DLEU7: variants seen among roughly 807,000 people sequenced by gnomAD.
DLEU7 encodes the protein leukemia-associated protein 7.
Under a neutral mutation model 16.0 loss-of-function variants are expected in DLEU7, and 17 were observed. The observed-to-expected ratio is 1.06, with a 90% confidence interval of 0.73 to 1.59. DLEU7 has a LOEUF of 1.59. DLEU7 is among the 40% of genes most tolerant of loss of function. DLEU7 has a pLI of 0.00. For missense variants in DLEU7, 308 were observed against 314.9 expected (o/e 0.98, Z 0.17); for synonymous variants, 113 against 139.8 (o/e 0.81, Z 1.35).
At chr13:50,755,283 T>C (rs1874720100) in intron 1 of DLEU7, among the ~76,000 whole-genome samples, 1 of 152,204 alleles carries the variant, frequency 6.6e-6, no homozygotes, top group Non-Finnish European at 1.5e-5. Flanking sequence ...CCCAAATATG[T>C]TTTCCAAACT....
At chr13:50,772,907 C>G (rs1381236988) in intron 1 of DLEU7, among the ~76,000 whole-genome samples, 3 of 152,200 alleles carry the variant, frequency 2.0e-5, no homozygotes, top group East Asian at 3.8e-4. Context: ...GTACACCAAT[C>G]AAATGTAGAT....
rs559215365 is a variant in DLEU7, at chr13:50,843,526, G to A, written c.121C>T (p.Arg41Trp). The A allele has an allele frequency of 3.8e-4, 551 of 1,431,724 alleles. 2 individuals are homozygous for A. In the African/African-American group the frequency reaches 7.8e-3, roughly 20 times the overall value. 88.7% of individuals were successfully genotyped at this position (1,431,724 alleles called of 1,614,324 possible). A position where few individuals can be genotyped will look rare whatever the true frequency, so the allele number is the denominator to read the frequency against. ...GDGPVAPGNP[R>W]DPDHVSTAPA... ...GCGGTGGACACGTGGTCTGGGTCCC[G>A]CGGGTTCCCGGGGGCGACTGGACCG... Residue 41 changes from arginine (R) to tryptophan (W), a missense_variant, in exon 1 of 2, where the codon CGG (arginine) becomes TGG (tryptophan). Physicochemically the swap from Arg to Trp is moderately radical, Grantham distance 101. Transcript: ENST00000504404. The surrounding 1 kb of genome is among the most constrained non-coding windows in gnomAD (Gnocchi z 5.7).
chr13:50,738,586 A>G (rs1246175463), intron 1 of DLEU7, among the ~76,000 whole-genome samples: 2 of 152,102 alleles, frequency 1.3e-5, no homozygotes, highest in African/African-American at 4.8e-5. Context: ...CCTGATTCCA[A>G]AGTTCTTCCC....
chr13:50,777,809 A>T (rs964243827), intron 1 of DLEU7, among the ~76,000 whole-genome samples: 1 of 152,200 alleles, frequency 6.6e-6, no homozygotes, highest in Non-Finnish European at 1.5e-5. Context: ...GCTTTAGTTT[A>T]TGTAAATTTC....
intron 1 of DLEU7, among the ~76,000 whole-genome samples, chr13:50,733,518 C>A (rs1873978053): frequency 6.6e-6 from 1 of 152,114 alleles, no homozygotes; most frequent in South Asian, 2.1e-4. Context: ...TAACACCACC[C>A]AGAGACTGAT....
intron 1 of DLEU7, chr13:50,713,259 A>G: frequency 6.2e-7 from 1 of 1,607,012 alleles, no homozygotes. Context: ...AATGTAGCAT[A>G]ATATCTCAAA....
upstream of DLEU7, chr13:50,843,906 G>A (rs1685750841): frequency 8.3e-6 from 4 of 479,160 alleles, no homozygotes; most frequent in Non-Finnish European, 1.5e-5. The surrounding 1 kb of genome is among the most constrained non-coding windows in gnomAD (Gnocchi z 5.7). Context: ...GAAAATCAGC[G>A]AAATGCTGAG....
Position 50,823,481 on chromosome 13 carries a change from G to A in DLEU7, c.499C>T (p.Leu167=). The A allele has an allele frequency of 1.3e-6, 2 of 1,535,922 alleles. No homozygotes were observed. The highest frequency in any genetic ancestry group is 1.7e-6 in the Non-Finnish European group (2 of 1,146,730). ...EFRNICSHLA[L]QIEGQQFDRD... The stretch of plus-strand genomic sequence containing the variant: ...TCAAACTGCTGTCCTTCAATCTGTA[G>A]AGCCAAATGACTGCAGATGTTTCTA... Residue 167 remains leucine (L), a synonymous_variant, in exon 2 of 2, where the codon CTA becomes TTA. Transcript: ENST00000504404.
intron 1 of DLEU7, among the ~76,000 whole-genome samples, chr13:50,772,321 G>A (rs899878607): frequency 8.5e-5 from 13 of 152,130 alleles, no homozygotes; most frequent in Non-Finnish European, 1.6e-4. Flanking sequence ...ATGTTAGCTG[G>A]TTATTTTGCC....
chr13:50,811,178 C>A (rs1203254372), intron 1 of DLEU7, among the ~76,000 whole-genome samples: 1 of 152,082 alleles, frequency 6.6e-6, no homozygotes, highest in African/African-American at 2.4e-5. Flanking sequence ...CTTAAATTGG[C>A]AAACTATAAA....
intron 1 of DLEU7, among the ~76,000 whole-genome samples, chr13:50,791,429 T>C (rs1875956886): frequency 6.6e-6 from 1 of 152,180 alleles, no homozygotes; most frequent in South Asian, 2.1e-4. Flanking sequence ...AAAAGCCACC[T>C]TGGTGGCCTT....
chr13:50,775,275 A>G (rs1031352794), intron 1 of DLEU7, among the ~76,000 whole-genome samples: 3 of 152,104 alleles, frequency 2.0e-5, no homozygotes, highest in African/African-American at 7.2e-5. Context: ...TTACAGGCAG[A>G]TGAACTTGAT....
At chr13:50,778,458 T>C (rs1875564038) in intron 1 of DLEU7, among the ~76,000 whole-genome samples, 1 of 152,220 alleles carries the variant, frequency 6.6e-6, no homozygotes, top group Non-Finnish European at 1.5e-5. Context: ...CTCCTTCTTC[T>C]TTCCATCCCA....
chr13:50,815,689 G>T (rs910344513), intron 1 of DLEU7, among the ~76,000 whole-genome samples: 5 of 152,032 alleles, frequency 3.3e-5, no homozygotes, highest in African/African-American at 1.2e-4. Flanking sequence ...TGTCCCACAG[G>T]CCCACTTATG....
At chr13:50,727,229 G>C (rs1490008336) in intron 1 of DLEU7, among the ~76,000 whole-genome samples, 1 of 152,100 alleles carries the variant, frequency 6.6e-6, no homozygotes, top group African/African-American at 2.4e-5. Flanking sequence ...GTGTGTGTGT[G>C]TGTGAGTGTG....
downstream of DLEU7, among the ~76,000 whole-genome samples, chr13:50,818,049 A>G (rs940969248): frequency 6.6e-6 from 1 of 152,200 alleles, no homozygotes; most frequent in Non-Finnish European, 1.5e-5. Flanking sequence ...TCTAAAAATA[A>G]GAATTAAAGG....
chr13:50,829,851 C>T (rs913156111), intron 1 of DLEU7, among the ~76,000 whole-genome samples: 1 of 152,122 alleles, frequency 6.6e-6, no homozygotes, highest in South Asian at 2.1e-4. Context: ...TCATTGCCTT[C>T]GACCAAACTT....
exon 2 of DLEU7, chr13:50,712,017 C>T (rs1488021014): frequency 6.6e-6 from 1 of 151,918 alleles, no homozygotes; most frequent in African/African-American, 2.4e-5. Flanking sequence ...ATTCCAGTTA[C>T]ACATTAAATT....
chr13:50,788,510 A>G (rs886808666), intron 1 of DLEU7, among the ~76,000 whole-genome samples: 1 of 152,188 alleles, frequency 6.6e-6, no homozygotes, highest in Non-Finnish European at 1.5e-5. Context: ...CACTCTAAAT[A>G]CTGAGCCTCC....
Sources: gnomAD v4.1 joint callset for allele counts (sites outside exome capture counted in the v4.1 genomes callset) on GRCh38, gnomAD v4.1.1 for gene constraint, Gnocchi (gnomAD v3.1) non-coding constraint, MANE v1.5 for transcripts, NCBI Gene and HGNC (gene_info 2026-07-23, HGNC 2026-07-21) for gene names.